TTC39B: variants seen among roughly 807,000 people sequenced by gnomAD.
The protein encoded by TTC39B is tetratricopeptide repeat domain 39B.
Under a neutral mutation model 96.6 loss-of-function variants are expected in TTC39B, and 92 were observed. That is an observed-to-expected ratio of 0.95 (90% CI 0.80 to 1.13). TTC39B has a LOEUF of 1.13. Among genes scored for constraint, TTC39B ranks in the 50% most tolerant of loss-of-function variants. TTC39B has a pLI of 0.00. For synonymous variants in TTC39B, 367 were observed against 299.4 expected, an observed-to-expected ratio of 1.23 and a Z score of -2.33; for missense variants, 955 against 809.3, an observed-to-expected ratio of 1.18 and a Z score of -2.18.
intron 1 of TTC39B, among the ~76,000 whole-genome samples, chr9:15,273,740 A>C (rs1823439427): frequency 6.6e-6 from 1 of 152,124 alleles, no homozygotes; most frequent in South Asian, 2.1e-4. Flanking sequence ...TCCACTGACC[A>C]ATGAAGCTGT....
rs752705230 is a variant in TTC39B at position 15,254,836 on chromosome 9, C to T, written c.275+13078G>A. Reference sequence around the variant, plus strand: ...TGACACACATAACTTTATACACACACACACACACACACACACACACACACA... The same window carrying T: ...TGACACACATAACTTTATACACACATACACACACACACACACACACACACA... On this transcript the variant is annotated intron_variant, in intron 2 of 19. Coordinates refer to ENST00000512701, the Ensembl canonical transcript of TTC39B. Among the ~76,000 whole-genome samples, 14 of 100,152 alleles carry T rather than the reference C, an allele frequency of 1.4e-4. No homozygotes were observed. The Middle Eastern group carries it at 0.012, about 89-fold the overall frequency. 65.7% of individuals were successfully genotyped at this position (100,152 alleles called of 152,430 possible).
rs373264359 is a variant in TTC39B at position 15,187,687 on chromosome 9, T to C, written c.1395+284A>G. Among the ~76,000 whole-genome samples, 159 of 152,372 alleles carry C rather than the reference T, an allele frequency of 1.0e-3. 2 individuals are homozygous for C. The highest frequency in any genetic ancestry group is 3.6e-3 in the African/African-American group (149 of 41,584). On this transcript the variant is annotated intron_variant, in intron 14 of 19. Coordinates refer to ENST00000512701, the Ensembl canonical transcript of TTC39B. ...GTTGCCCTGGCTAGTATCAAACTCC[T>C]GACCTCAAGCCATCTTCCTGCCTTA...
intron 1 of TTC39B, among the ~76,000 whole-genome samples, chr9:15,301,435 C>A (rs1015440056): frequency 6.6e-6 from 1 of 152,142 alleles, no homozygotes; most frequent in South Asian, 2.1e-4. Flanking sequence ...ACCTGCCAGG[C>A]GTTCAATGAA....
At chr9:15,250,454 T>C (rs868840119) in intron 2 of TTC39B, among the ~76,000 whole-genome samples, 1 of 150,508 alleles carries the variant, frequency 6.6e-6, no homozygotes, top group South Asian at 2.1e-4. Flanking sequence ...TAAGGAAAAA[T>C]GTAGGCTGTT....
At chr9:15,256,078 G>T (rs1427248133) in intron 2 of TTC39B, among the ~76,000 whole-genome samples, 1 of 152,198 alleles carries the variant, frequency 6.6e-6, no homozygotes, top group East Asian at 1.9e-4. Flanking sequence ...GTGATGGCGT[G>T]GGGCCTTTGG....
chr9:15,247,851 G>GA (rs57735484), intron 2 of TTC39B, among the ~76,000 whole-genome samples: 16,933 of 138,006 alleles, frequency 0.12, 1,428 homozygotes, highest in African/African-American at 0.25. Flanking sequence ...GAAGAAAAAG[G>GA]AAAAAAAAAA....
At chr9:15,214,532 T>C (rs1322551285) in intron 3 of TTC39B, among the ~76,000 whole-genome samples, 4 of 152,188 alleles carry the variant, frequency 2.6e-5, no homozygotes, top group Non-Finnish European at 5.9e-5. Flanking sequence ...CGTAGGTAAC[T>C]AATAGCAGTG....
At position 15,209,980 on chromosome 9, in the gene TTC39B, G is replaced by A. The variant is rs1586878650; in HGVS notation, c.691+108C>T. ...TCCAGAGGGTGAGTATGATAGGGAA[G>A]AGAAAAAGACATTCCATTTACTTTA... is the stretch of plus-strand genomic sequence containing the variant. On this transcript the variant is annotated intron_variant, in intron 6 of 19. Coordinates refer to ENST00000512701, the Ensembl canonical transcript of TTC39B. 5 of 799,502 alleles carry A rather than the reference G, an allele frequency of 6.3e-6. No homozygotes were observed. The East Asian group carries it at 1.3e-4, about 21-fold the overall frequency. The allele number at this position is 799,502 out of a possible 1,614,324, so 49.5% of individuals were successfully genotyped here.
Position 15,254,830 on chromosome 9 carries a change from C to T in TTC39B, c.275+13084G>A, listed in dbSNP as rs925435949. Among the ~76,000 whole-genome samples the T allele has an allele frequency of 1.8e-4, 13 of 71,062 alleles. No homozygotes were observed. The African/African-American group carries it at 2.6e-3, about 14-fold the overall frequency. The allele number at this position is 71,062 out of a possible 152,430, so 46.6% of individuals were successfully genotyped here. On this transcript the variant is annotated intron_variant, in intron 2 of 19. Transcript: ENST00000512701. The stretch of plus-strand genomic sequence containing the variant: ...GAGATCTGACACACATAACTTTATA[C>T]ACACACACACACACACACACACACA...
At position 15,287,969 on chromosome 9, in the gene TTC39B, A is replaced by AAAC. The variant is rs1554633425; in HGVS notation, c.240+19114_240+19115insGTT. ...TCAAAAAAAAAAAAAAAAAAAAAAA[A>AAAC]CATAAAAAAATGATTCTTTCTAAGC... On this transcript the variant is annotated intron_variant, in intron 1 of 19. Transcript: ENST00000512701. Among the ~76,000 whole-genome samples, 293 of 111,018 alleles carry AAAC rather than the reference A, an allele frequency of 2.6e-3. 3 individuals are homozygous for AAAC. Among genetic ancestry groups the AAAC allele is most frequent in the Non-Finnish European group, 4.4e-3 (248 of 55,928 alleles). The allele number at this position is 111,018 out of a possible 152,430, so 72.8% of individuals were successfully genotyped here. A position where few individuals can be genotyped will look rare whatever the true frequency, so the allele number is the denominator to read the frequency against.
intron 1 of TTC39B, among the ~76,000 whole-genome samples, chr9:15,305,657 A>G (rs1361556188): frequency 6.7e-6 from 1 of 149,962 alleles, no homozygotes; most frequent in East Asian, 1.9e-4. Flanking sequence ...AGTTTCACCC[A>G]CAGAAACCTA....
chr9:15,229,605 T>A (rs969324028), intron 2 of TTC39B, among the ~76,000 whole-genome samples: 1 of 152,262 alleles, frequency 6.6e-6, no homozygotes, highest in Non-Finnish European at 1.5e-5. Flanking sequence ...ACCATCTTGC[T>A]GATTTCCTCA....
At chr9:15,185,215 T>C (rs2118678490) in intron 16 of TTC39B, 65 bp downstream of exon 16, 1 of 1,519,718 alleles carries the variant, frequency 6.6e-7, no homozygotes, top group Non-Finnish European at 8.8e-7. Flanking sequence ...AATTTAGATA[T>C]GCTCCCTGCT....
chr9:15,275,145 G>A (rs1823492610), intron 1 of TTC39B, among the ~76,000 whole-genome samples: 1 of 151,880 alleles, frequency 6.6e-6, no homozygotes, highest in Non-Finnish European at 1.5e-5. Context: ...CAGTTCAAGC[G>A]ATTCTCCTGC....
intron 6 of TTC39B, among the ~76,000 whole-genome samples, chr9:15,209,429 A>G (rs1221785185): frequency 6.6e-6 from 1 of 152,238 alleles, no homozygotes; most frequent in African/African-American, 2.4e-5. Flanking sequence ...CATTTTTAAA[A>G]GATATCAAAA....
intron 3 of TTC39B, among the ~76,000 whole-genome samples, chr9:15,215,430 G>C (rs1050889905): frequency 6.6e-6 from 1 of 151,538 alleles, no homozygotes; most frequent in Non-Finnish European, 1.5e-5. Context: ...GGTGGCACAT[G>C]CCTGTAATCC....
intron 1 of TTC39B, among the ~76,000 whole-genome samples, chr9:15,297,388 C>T (rs1824419730): frequency 6.6e-6 from 1 of 152,184 alleles, no homozygotes; most frequent in Admixed American, 6.5e-5. Context: ...AAGGGACTTG[C>T]TCTAAGTCAC....
intron 8 of TTC39B, among the ~76,000 whole-genome samples, chr9:15,198,176 G>A (rs1336486145): frequency 2.0e-5 from 3 of 152,072 alleles, no homozygotes; most frequent in Non-Finnish European, 4.4e-5. Flanking sequence ...ATAGCACAAA[G>A]GGCCAGGCGC....
At chr9:15,295,110 G>A (rs1807302640) in intron 1 of TTC39B, among the ~76,000 whole-genome samples, 1 of 152,094 alleles carries the variant, frequency 6.6e-6, no homozygotes, top group Non-Finnish European at 1.5e-5. Flanking sequence ...AATTCATAAG[G>A]CTTACAATAC....
Sources: allele counts gnomAD v4.1 joint callset (sites outside exome capture counted in the v4.1 genomes callset), GRCh38; gene constraint gnomAD v4.1.1; transcripts MANE v1.5; gene names NCBI Gene and HGNC (gene_info 2026-07-23, HGNC 2026-07-21).